PEX5L: variants seen among roughly 807,000 people sequenced by gnomAD.
PEX5L encodes the protein peroxisomal biogenesis factor 5 like, also known as PEX5-related protein.
PEX5L carries 30 observed loss-of-function variants against 84.0 expected under a neutral mutation model. That is an observed-to-expected ratio of 0.36 (90% confidence interval 0.27 to 0.48). PEX5L has a LOEUF of 0.48. PEX5L is among the 20% of genes least tolerant of loss of function. The probability of loss-of-function intolerance (pLI) is 0.99; values close to 1 mark genes in which losing one functional copy is unlikely to be tolerated. For missense variants in PEX5L, 533 were observed against 754.6 expected (o/e 0.71, Z 3.44); for synonymous variants, 270 against 283.1 (o/e 0.95, Z 0.46).
chr3:179,953,002 AAGGATTCCCT>A (rs1321905035), intron 2 of PEX5L, among the ~76,000 whole-genome samples: 1 of 152,224 alleles, frequency 6.6e-6, no homozygotes, highest in Non-Finnish European at 1.5e-5. Flanking sequence ...GCAATGGGGA[AAGGATTCCCT>A]ATTTAATAAA....
intron 1 of PEX5L, among the ~76,000 whole-genome samples, chr3:179,993,785 G>A (rs374517750): frequency 2.5e-3 from 386 of 152,254 alleles, no homozygotes; most frequent in African/African-American, 8.6e-3. Context: ...TTACAGGCAT[G>A]AGCCACCGCA....
At chr3:179,983,661 A>G (rs113484110) in intron 1 of PEX5L, among the ~76,000 whole-genome samples, 58 of 152,188 alleles carry the variant, frequency 3.8e-4, no homozygotes, top group African/African-American at 1.3e-3. Context: ...TGATTACTCA[A>G]ACTTGGGACC....
chr3:179,953,776 T>A (rs9290686), intron 2 of PEX5L, among the ~76,000 whole-genome samples: 109,804 of 151,986 alleles, frequency 0.72, 40,346 homozygotes, highest in East Asian at 0.89. Context: ...AAAGCAAAGG[T>A]GCAAACAGCC....
At chr3:179,944,432 C>T (rs1325968767) in intron 2 of PEX5L, among the ~76,000 whole-genome samples, 2 of 152,138 alleles carry the variant, frequency 1.3e-5, no homozygotes, top group Admixed American at 6.5e-5. Flanking sequence ...TCTTACAGCT[C>T]ACCATTTATG....
At position 179,932,546 on chromosome 3, in the gene PEX5L, G is replaced by A. The variant is rs181067900; in HGVS notation, c.94-34300C>T. Among the ~76,000 whole-genome samples the A allele has an allele frequency of 3.3e-3, 496 of 152,112 alleles. 5 individuals carry two copies. Among genetic ancestry groups the A allele is most frequent in the Admixed American group, 7.8e-3 (119 of 15,278 alleles). ...CTGCTTCATGATATTCTGAGGAATG[G>A]GTACTAGGCAAATGCATATAAGACA... On this transcript the variant is annotated intron_variant, in intron 2 of 14. Transcript: ENST00000467460.
intron 2 of PEX5L, among the ~76,000 whole-genome samples, chr3:179,954,033 A>G (rs1270202160): frequency 3.9e-5 from 6 of 152,220 alleles, no homozygotes; most frequent in African/African-American, 4.8e-5. Context: ...GTGTCTCTCA[A>G]TGTCGTTAAT....
intron 1 of PEX5L, among the ~76,000 whole-genome samples, chr3:179,995,850 C>T (rs1787842229): frequency 6.6e-6 from 1 of 152,164 alleles, no homozygotes; most frequent in Admixed American, 6.5e-5. Flanking sequence ...AAAGTGAGCG[C>T]ATTGATTGGA....
chr3:179,905,971 C>A lies in PEX5L; in HGVS notation c.94-7725G>T, dbSNP rs1203233455. Among the ~76,000 whole-genome samples, 4 of 151,910 alleles carry A rather than the reference C, an allele frequency of 2.6e-5. No homozygotes were observed. The East Asian group carries it at 7.7e-4, about 29-fold the overall frequency. On this transcript the variant is annotated intron_variant, in intron 2 of 14. Transcript: ENST00000467460. ...TTCATACTGAAATTACATTATATGG[C>A]CAACTTTGATAGAAGGTGATTTTGA...
intron 1 of PEX5L, among the ~76,000 whole-genome samples, chr3:179,983,304 C>G (rs1299330348): frequency 6.6e-6 from 1 of 151,900 alleles, no homozygotes; most frequent in African/African-American, 2.4e-5. Flanking sequence ...CCAAATCTAC[C>G]TTAAATTAAT....
intron 2 of PEX5L, among the ~76,000 whole-genome samples, chr3:179,910,660 G>A (rs983640297): frequency 1.3e-5 from 2 of 152,196 alleles, no homozygotes; most frequent in Non-Finnish European, 2.9e-5. Context: ...GTCAGACACA[G>A]CCTGACTCGT....
At chr3:179,863,551 G>A (rs577428227) in intron 7 of PEX5L, among the ~76,000 whole-genome samples, 6 of 151,978 alleles carry the variant, frequency 3.9e-5, no homozygotes, top group Non-Finnish European at 5.9e-5. Context: ...AAAAGAAGAC[G>A]TACAAATGGC....
chr3:179,969,237 A>G (rs1784141640), intron 2 of PEX5L, among the ~76,000 whole-genome samples: 1 of 152,114 alleles, frequency 6.6e-6, no homozygotes, highest in Non-Finnish European at 1.5e-5. Flanking sequence ...ATCTACTTGC[A>G]GTTACATGAA....
intron 1 of PEX5L, chr3:179,973,915 C>T (rs1785390453): frequency 3.0e-6 from 3 of 985,396 alleles, no homozygotes; most frequent in East Asian, 1.1e-4. Flanking sequence ...AAGCTGGAGC[C>T]TTACAGTTTT....
chr3:179,804,776 T>C (rs1720548823), intron 14 of PEX5L, among the ~76,000 whole-genome samples: 1 of 152,256 alleles, frequency 6.6e-6, no homozygotes, highest in Non-Finnish European at 1.5e-5. Context: ...TTCCTGAGTA[T>C]GCACTTATAC....
At chr3:179,812,888 C>T (rs534968298) in intron 10 of PEX5L, among the ~76,000 whole-genome samples, 1 of 151,922 alleles carries the variant, frequency 6.6e-6, no homozygotes, top group East Asian at 2.0e-4. Context: ...CTCTTACACA[C>T]TCCCCAAACA....
At chr3:179,830,088 C>A (rs1212047891) in intron 8 of PEX5L, among the ~76,000 whole-genome samples, 1 of 151,598 alleles carries the variant, frequency 6.6e-6, no homozygotes, top group Non-Finnish European at 1.5e-5. Context: ...TGAGCCACCG[C>A]CCGGCCTTAA....
chr3:179,869,879 T>C (rs1609789), intron 7 of PEX5L, among the ~76,000 whole-genome samples: 70,275 of 152,060 alleles, frequency 0.46, 16,675 homozygotes, highest in East Asian at 0.79. Context: ...TTTTGTTATA[T>C]ATAGATATCT....
At position 179,815,967 on chromosome 3, in the gene PEX5L, C is replaced by A. The variant is rs770375002; in HGVS notation, c.977G>T (p.Trp326Leu). ...TAAGCCTTCTTCAAATGCTCCAGGC[C>A]AGTCCTTGAAGGGGTTTTCAGTGTG... ...YFHTENPFKD[W>L]PGAFEEGLKR... Residue 326 changes from tryptophan to leucine, a missense_variant, in exon 10 of 15, where the codon TGG (tryptophan) becomes TTG (leucine). Coordinates refer to ENST00000467460, the MANE Select transcript of PEX5L (RefSeq NM_016559.3). 5 of 1,614,154 alleles carry A rather than the reference C, an allele frequency of 3.1e-6. No homozygotes were observed. The South Asian group carries it at 5.5e-5, about 18-fold the overall frequency.
chr3:179,955,426 T>G (rs1208780971), intron 2 of PEX5L, among the ~76,000 whole-genome samples: 3 of 86,512 alleles, frequency 3.5e-5, no homozygotes, highest in Non-Finnish European at 7.0e-5. Flanking sequence ...TTGAGCGATG[T>G]TATGTGACTT....
Sources: allele counts gnomAD v4.1 joint callset (sites outside exome capture counted in the v4.1 genomes callset), GRCh38; gene constraint gnomAD v4.1.1; transcripts MANE v1.5; gene names NCBI Gene and HGNC (gene_info 2026-07-23, HGNC 2026-07-21).